The following ANK3 variants were observed in gnomAD, a reference collection of about 807,000 sequenced individuals.
ANK3 encodes ankyrin-3.
Under a neutral mutation model 370.9 loss-of-function variants are expected in ANK3, and 57 were observed. That is an observed-to-expected ratio of 0.15 (90% CI 0.12 to 0.19). The LOEUF (loss-of-function observed/expected upper bound fraction) is 0.19. Ranked by LOEUF, ANK3 falls within the 10% of genes least tolerant of loss-of-function variation. The pLI, the probability that ANK3 is intolerant of heterozygous loss-of-function variation, is 1.00. For missense variants in ANK3, 4,439 were observed against 5,302.1 expected (o/e 0.84, Z 5.06); for synonymous variants, 1,929 against 1,946.3 (o/e 0.99, Z 0.23).
intron 2 of ANK3, among the ~76,000 whole-genome samples, chr10:60,573,950 T>C (rs891927013): frequency 1.3e-5 from 2 of 152,134 alleles, no homozygotes; most frequent in South Asian, 4.2e-4. Flanking sequence ...AGCATTCAAA[T>C]GAATATTAAC....
rs761113590 is a variant in ANK3 at position 60,075,849 on chromosome 10, C to A, written c.5032G>T (p.Val1678Leu). The A allele has an allele frequency of 3.1e-6, 5 of 1,614,014 alleles. No individual in the cohort carries two copies. The highest frequency in any genetic ancestry group is 1.3e-5 in the African/African-American group (1 of 74,918). ...APLISSPLKS[V>L]VSPVKSAVDV... is the part of the protein sequence containing the mutation. ...ACTGCTGATTTAACTGGAGACACCACTGACTTTAAAGGTGAAGATATTAGC... is the reference window on the plus strand; with the variant it reads ...ACTGCTGATTTAACTGGAGACACCAATGACTTTAAAGGTGAAGATATTAGC... Residue 1678 changes from valine to leucine, a missense_variant, in exon 37 of 44, where the codon GTG (valine) becomes TTG (leucine). Physicochemically the swap from Val to Leu is conservative, Grantham distance 32. Around this residue, in one of 13 missense-constraint regions of ANK3, gnomAD observed 679 missense variants for 791.0 expected, o/e 0.86. Coordinates refer to ENST00000280772, the MANE Select transcript of ANK3 (RefSeq NM_020987.5).
intron 7 of ANK3, among the ~76,000 whole-genome samples, chr10:60,260,797 TAA>T (rs555658058): frequency 8.5e-4 from 129 of 152,282 alleles, no homozygotes; most frequent in African/African-American, 2.9e-3. Context: ...CCATTATTCT[TAA>T]GTTTCCTGAG....
chr10:60,122,580 C>T (rs2093550934), intron 25 of ANK3, among the ~76,000 whole-genome samples: 1 of 152,218 alleles, frequency 6.6e-6, no homozygotes, highest in Non-Finnish European at 1.5e-5. Context: ...TAGCAGATTA[C>T]TCAACTTTTT....
At chr10:60,202,907 TTAAAAAAA>T (rs1399154264) in intron 12 of ANK3, 87 bp downstream of exon 12, 83 of 831,678 alleles carry the variant, frequency 1.0e-4, no homozygotes, top group Non-Finnish European at 1.5e-4. Flanking sequence ...ACTCCAACTC[TTAAAAAAA>T]TAAAAAATAA....
intron 26 of ANK3, among the ~76,000 whole-genome samples, chr10:60,109,331 G>T (rs1438576836): frequency 1.3e-5 from 2 of 152,078 alleles, no homozygotes; most frequent in Non-Finnish European, 2.9e-5. Flanking sequence ...AATAAGGAAG[G>T]TTTCAAAACT....
chr10:60,242,742 AAAG>A (rs2097487082), intron 7 of ANK3, among the ~76,000 whole-genome samples: 1 of 152,196 alleles, frequency 6.6e-6, no homozygotes, highest in Non-Finnish European at 1.5e-5. Context: ...ATTTGTATTA[AAAG>A]AAGGACATTC....
chr10:60,216,604 A>G (rs1308218562), intron 8 of ANK3, among the ~76,000 whole-genome samples: 1 of 152,158 alleles, frequency 6.6e-6, no homozygotes, highest in African/African-American at 2.4e-5. Context: ...CTTGCATCCC[A>G]GGGATGAAGC....
At chr10:60,386,639 A>T (rs2062372933) in intron 1 of ANK3, among the ~76,000 whole-genome samples, 1 of 152,044 alleles carries the variant, frequency 6.6e-6, no homozygotes, top group Non-Finnish European at 1.5e-5. Context: ...ATGAAATGTG[A>T]ATCCAATGTT....
intron 23 of ANK3, among the ~76,000 whole-genome samples, chr10:60,148,622 T>A (rs2132240467): frequency 6.6e-6 from 1 of 152,300 alleles, no homozygotes; most frequent in South Asian, 2.1e-4. Context: ...GTCCTCTAAG[T>A]AAGATCAAAC....
At chr10:60,236,249 A>ACAGCTCCTCTATCCCACCTTTTTCCCCCC in intron 7 of ANK3, among the ~76,000 whole-genome samples, 5 of 150,420 alleles carry the variant, frequency 3.3e-5, no homozygotes, top group African/African-American at 1.0e-4. Flanking sequence ...TATCTCTAAC[A>ACAGCTCCTCTATCCCACCTTTTTCCCCCC]GATGAGGACA....
rs770574181 is a variant in ANK3, at chr10:60,064,132, TTAAAA to T, written c.12451+20_12451+24del. 9 of 1,540,288 alleles carry T rather than the reference TTAAAA, an allele frequency of 5.8e-6. No homozygotes were observed. The South Asian group carries it at 9.0e-5, about 15-fold the overall frequency. ...TATTACATTTATGCAGTTTTGAAAG[TTAAAA>T]TAATATAATTTCGGCATACTTGTGG... On this transcript the variant is annotated intron_variant, in intron 39 of 43. Transcript: ENST00000280772.
chr10:60,641,892 G>A (rs1230821360), intron 1 of ANK3, among the ~76,000 whole-genome samples: 1 of 150,004 alleles, frequency 6.7e-6, no homozygotes, highest in Non-Finnish European at 1.5e-5. Context: ...TCTGACAAAG[G>A]GCTAATATCC....
chr10:60,445,513 A>T (rs2064420077), intron 2 of ANK3, among the ~76,000 whole-genome samples: 1 of 152,014 alleles, frequency 6.6e-6, no homozygotes, highest in African/African-American at 2.4e-5. Flanking sequence ...CTCCAGGATT[A>T]GTCAATCTTT....
intron 7 of ANK3, among the ~76,000 whole-genome samples, chr10:60,256,194 G>A (rs1037069112): frequency 1.3e-5 from 2 of 152,248 alleles, no homozygotes; most frequent in African/African-American, 4.8e-5. Flanking sequence ...GGACTTACGG[G>A]AGAAATTGTA....
intron 42 of ANK3, chr10:60,043,165 A>G: frequency 1.0e-6 from 1 of 989,692 alleles, no homozygotes; most frequent in Non-Finnish European, 1.2e-6. Context: ...GATCTGAGGG[A>G]CTTTTTTAAG....
intron 1 of ANK3, among the ~76,000 whole-genome samples, chr10:60,655,934 A>G (rs7900852): frequency 0.35 from 52,902 of 152,104 alleles, 9,440 homozygotes; most frequent in African/African-American, 0.4. Context: ...GTAACATGCT[A>G]CACAGGTTTG....
At chr10:60,505,145 AG>A (rs757424012) in intron 2 of ANK3, among the ~76,000 whole-genome samples, 3 of 152,172 alleles carry the variant, frequency 2.0e-5, no homozygotes, top group Non-Finnish European at 4.4e-5. Flanking sequence ...GAAGCTTGCA[AG>A]ATGGGATTTA....
intron 1 of ANK3, among the ~76,000 whole-genome samples, chr10:60,327,274 A>G (rs1333891039): frequency 6.6e-6 from 1 of 152,178 alleles, no homozygotes; most frequent in Admixed American, 6.5e-5. Flanking sequence ...GCAAATAAAT[A>G]CTTATGGAGA....
At chr10:60,692,785 C>A (rs2079375034) in intron 1 of ANK3, among the ~76,000 whole-genome samples, 1 of 152,140 alleles carries the variant, frequency 6.6e-6, no homozygotes, top group Non-Finnish European at 1.5e-5. Context: ...AGAAGGAGAG[C>A]AAAATTCAGG....
Sources: allele counts gnomAD v4.1 joint callset (sites outside exome capture counted in the v4.1 genomes callset), GRCh38; gene constraint gnomAD v4.1.1; regional missense constraint gnomAD v4.1.1; transcripts MANE v1.5; gene names NCBI Gene and HGNC (gene_info 2026-07-23, HGNC 2026-07-21).